The following SRGAP3 variants were observed in gnomAD, a reference collection of about 807,000 sequenced individuals.
SRGAP3 encodes SLIT-ROBO Rho GTPase-activating protein 3.
In SRGAP3, 39 loss-of-function variants were observed where a neutral mutation model predicts 121.1. The ratio of observed to expected loss-of-function variants is 0.32; its 90% CI spans 0.25 to 0.42. The LOEUF (loss-of-function observed/expected upper bound fraction) is 0.42. SRGAP3 is among the 10% of genes least tolerant of loss of function. The pLI is 1.00. For missense variants in SRGAP3, 1,213 were observed against 1,470.6 expected (o/e 0.82, Z 2.86); for synonymous variants, 601 against 570.0 (o/e 1.05, Z -0.77).
At chr3:9,030,774 T>C (rs1310911619) in intron 12 of SRGAP3, among the ~76,000 whole-genome samples, 1 of 152,152 alleles carries the variant, frequency 6.6e-6, no homozygotes, top group East Asian at 1.9e-4. Context: ...TGATCACCCA[T>C]TTCCAAAGAC....
chr3:9,354,448 G>T (rs927325164), intron 1 of SRGAP3, among the ~76,000 whole-genome samples: 1 of 152,102 alleles, frequency 6.6e-6, no homozygotes, highest in African/African-American at 2.4e-5. Flanking sequence ...GGGAGGCCGA[G>T]GCGGGTGGAT....
chr3:9,037,686 G>C (rs1271060052), intron 11 of SRGAP3: 2 of 327,838 alleles, frequency 6.1e-6, no homozygotes, highest in African/African-American at 4.2e-5. Context: ...AGTTTGCTCA[G>C]CATGGTGTAG....
At chr3:8,995,506 AG>A (rs1942346316) in intron 18 of SRGAP3, among the ~76,000 whole-genome samples, 1 of 152,258 alleles carries the variant, frequency 6.6e-6, no homozygotes, top group East Asian at 1.9e-4. Flanking sequence ...CTTGTACAAA[AG>A]GGCATAGCTT....
intron 3 of SRGAP3, among the ~76,000 whole-genome samples, chr3:9,086,478 C>T (rs1408894950): frequency 2.7e-5 from 4 of 146,830 alleles, no homozygotes; most frequent in Non-Finnish European, 4.5e-5. Flanking sequence ...TGAGATTGTG[C>T]CACTGCATTC....
intron 1 of SRGAP3, among the ~76,000 whole-genome samples, chr3:9,168,160 A>G (rs1950858100): frequency 6.6e-6 from 1 of 152,246 alleles, no homozygotes; most frequent in African/African-American, 2.4e-5. Context: ...GAGTGCAACG[A>G]AGTCAGAAGT....
At chr3:9,259,510 T>C (rs1954208371) in intron 3 of SRGAP3, among the ~76,000 whole-genome samples, 1 of 152,148 alleles carries the variant, frequency 6.6e-6, no homozygotes, top group Non-Finnish European at 1.5e-5. Flanking sequence ...GGTCTCACTG[T>C]ATTGCTGAGG....
chr3:9,054,851 T>C (rs1262578550), intron 8 of SRGAP3, among the ~76,000 whole-genome samples: 3 of 152,236 alleles, frequency 2.0e-5, no homozygotes, highest in East Asian at 1.9e-4. Flanking sequence ...CTTGAATAAA[T>C]ATTGTTGAAT....
At position 9,058,385 on chromosome 3, in the gene SRGAP3, C is replaced by G. The variant is rs1382413523; in HGVS notation, c.889G>C (p.Glu297Gln). ...AEYNLETSRH[E>Q]GLDVIENAVD... ...GCATTCTCAATGACATCCAGCCCTT[C>G]GTGGCGAGAGGTCTCCAGGTTGTAT... The change falls in exon 7 of 22, where the codon GAA becomes CAA. Residue 297 changes from glutamate to glutamine, a missense_variant. By Grantham distance (29) the Glu-to-Gln change is conservative. Around this residue, in one of 2 missense-constraint regions of SRGAP3, gnomAD observed 793 missense variants for 1,032.9 expected, o/e 0.77. Coordinates refer to ENST00000383836, the MANE Select transcript of SRGAP3 (RefSeq NM_014850.4). The G allele has an allele frequency of 3.7e-6, 6 of 1,614,080 alleles. No individual in the cohort carries two copies. The highest frequency in any genetic ancestry group is 1.7e-5 in the Admixed American group (1 of 60,016).
intron 18 of SRGAP3, 28 bp downstream of exon 18, chr3:9,010,280 C>G: frequency 1.2e-6 from 2 of 1,613,768 alleles, no homozygotes; most frequent in Non-Finnish European, 1.7e-6. Flanking sequence ...AGGAAGAATC[C>G]CTTGTCCCCA....
chr3:9,340,806 G>A (rs1408186412), intron 1 of SRGAP3, among the ~76,000 whole-genome samples: 1 of 152,160 alleles, frequency 6.6e-6, no homozygotes, highest in East Asian at 1.9e-4. Context: ...ACTGGGAGTT[G>A]CTCTAAGAAA....
chr3:9,352,305 A>C (rs898375852), intron 1 of SRGAP3, among the ~76,000 whole-genome samples: 2 of 126,250 alleles, frequency 1.6e-5, no homozygotes, highest in African/African-American at 3.1e-5. Flanking sequence ...ATGGAGTCTC[A>C]CTCTGTCACC....
intron 1 of SRGAP3, among the ~76,000 whole-genome samples, chr3:9,238,798 T>G (rs1953514999): frequency 6.6e-6 from 1 of 152,034 alleles, no homozygotes; most frequent in Admixed American, 6.6e-5. Flanking sequence ...CATGGCCCAG[T>G]GTGGTGTGTG....
At chr3:9,349,009 G>C (rs536020788) in intron 1 of SRGAP3, 5 of 935,594 alleles carry the variant, frequency 5.3e-6, no homozygotes, top group Non-Finnish European at 8.9e-6. Context: ...ACAGCCCCCC[G>C]GGCATTGTCA....
chr3:9,016,506 G>A (rs1943643117), intron 14 of SRGAP3, among the ~76,000 whole-genome samples: 1 of 152,186 alleles, frequency 6.6e-6, no homozygotes, highest in Non-Finnish European at 1.5e-5. Flanking sequence ...CATCCCATTA[G>A]AAGGCACGTA....
intron 12 of SRGAP3, among the ~76,000 whole-genome samples, chr3:9,031,317 G>C (rs1012850166): frequency 6.6e-6 from 1 of 152,168 alleles, no homozygotes; most frequent in Non-Finnish European, 1.5e-5. Flanking sequence ...AGAGGAGGGA[G>C]GATGGAGACA....
intron 15 of SRGAP3, among the ~76,000 whole-genome samples, chr3:9,015,391 C>T (rs1278049131): frequency 6.6e-6 from 1 of 152,190 alleles, no homozygotes; most frequent in Non-Finnish European, 1.5e-5. Flanking sequence ...CTCTGAGCTC[C>T]TTCTCTACCC....
intron 12 of SRGAP3, among the ~76,000 whole-genome samples, chr3:9,030,999 G>A (rs1322336501): frequency 6.6e-6 from 1 of 152,092 alleles, no homozygotes; most frequent in Non-Finnish European, 1.5e-5. Flanking sequence ...CTGTCACCGA[G>A]GCTGGAGTGG....
At chr3:9,070,685 G>T (rs1946663390) in intron 4 of SRGAP3, among the ~76,000 whole-genome samples, 1 of 152,180 alleles carries the variant, frequency 6.6e-6, no homozygotes, top group Non-Finnish European at 1.5e-5. Flanking sequence ...CAGGGAGAGA[G>T]GGTAAAATGA....
chr3:9,029,221 G>T (rs1944358994), intron 12 of SRGAP3, among the ~76,000 whole-genome samples: 1 of 152,182 alleles, frequency 6.6e-6, no homozygotes, highest in Non-Finnish European at 1.5e-5. Flanking sequence ...GTGCCATCCA[G>T]TGCTCTAGAA....
Sources: gnomAD v4.1 joint callset for allele counts (sites outside exome capture counted in the v4.1 genomes callset) on GRCh38, gnomAD v4.1.1 for gene constraint, gnomAD v4.1.1 regional missense constraint, MANE v1.5 for transcripts, NCBI Gene and HGNC (gene_info 2026-07-23, HGNC 2026-07-21) for gene names.